Variants in ACAD9 observed in about 807,000 individuals in gnomAD.
ACAD9 encodes the protein acyl-CoA dehydrogenase family member 9, also known as complex I assembly factor ACAD9, mitochondrial.
Under a neutral mutation model 70.2 loss-of-function variants are expected in ACAD9, and 53 were observed. The observed-to-expected ratio is 0.75, with a 90% CI of 0.61 to 0.95. ACAD9 has a LOEUF of 0.95. Among genes scored for constraint, ACAD9 ranks in the 40% least tolerant of loss-of-function variants. The pLI is 0.00. For synonymous variants in ACAD9, 313 were observed against 312.1 expected (o/e 1.00, Z -0.03); for missense variants, 777 against 802.8 (o/e 0.97, Z 0.39).
At chr3:128,909,660 T>C (rs1290083979) in intron 15 of ACAD9, 1 of 609,002 alleles carries the variant, frequency 1.6e-6, no homozygotes, top group African/African-American at 1.9e-5. Flanking sequence ...ACCTTTCAGG[T>C]AGAGAGGCTC....
chr3:128,904,351 C>G (rs1935827294), intron 10 of ACAD9, 35 bp from the exon 11 acceptor site: 1 of 1,614,174 alleles, frequency 6.2e-7, no homozygotes, highest in South Asian at 1.1e-5. Flanking sequence ...TCAGCACATG[C>G]AAATTGTTTC....
rs745926616 is a variant in ACAD9, at chr3:128,908,243, G to A, written c.1337G>A (p.Arg446His). The A allele has an allele frequency of 4.0e-5, 64 of 1,614,120 alleles. No homozygotes were observed. The Middle Eastern group carries it at 8.2e-4, about 21-fold the overall frequency. ...CTGACGGGTCTGCAGCATGCCGGCC[G>A]CATCCTGACTACCAGGATCCAGTAG... ...IALTGLQHAG[R>H]ILTTRIHELK... The change falls in exon 13 of 18, where the codon CGC (arginine) becomes CAC (histidine). Residue 446 changes from arginine to histidine, a missense_variant. By Grantham distance (29) the Arg-to-His change is conservative (BLOSUM62 0). Coordinates refer to ENST00000308982, the MANE Select transcript of ACAD9 (RefSeq NM_014049.5).
At chr3:128,908,345 G>C in intron 13 of ACAD9, 81 bp downstream of exon 13, 1 of 1,533,328 alleles carries the variant, frequency 6.5e-7, no homozygotes, top group Non-Finnish European at 9.0e-7. Context: ...GGAGGAAAGA[G>C]CTGCCTTGAC....
chr3:128,909,742 A>T, intron 15 of ACAD9: 1 of 602,386 alleles, frequency 1.7e-6, no homozygotes, highest in African/African-American at 1.9e-5. Flanking sequence ...CTTGCTGCTG[A>T]AGGTGGCAGT....
At chr3:128,909,955 AGGGAGGGACCATGT>A (rs1297221872) in intron 15 of ACAD9, 52 bp from the exon 16 acceptor site, 12 of 1,596,674 alleles carry the variant, frequency 7.5e-6, no homozygotes, top group African/African-American at 2.7e-5. Context: ...GATGCAGCCC[AGGGAGGGACCATGT>A]GGGGGACTGG....
At chr3:128,888,835 A>G (rs1935329134) in intron 2 of ACAD9, among the ~76,000 whole-genome samples, 1 of 150,132 alleles carries the variant, frequency 6.7e-6, no homozygotes, top group Admixed American at 6.6e-5. Flanking sequence ...TCCTATTTGT[A>G]TCTTTTTTTA....
intron 14 of ACAD9, 107 bp from the exon 15 acceptor site, chr3:128,909,228 TGACACCCTG>T: frequency 6.3e-7 from 1 of 1,595,792 alleles, no homozygotes; most frequent in South Asian, 1.1e-5. Context: ...AGCTAGTCCA[TGACACCCTG>T]GATTGCTTCC....
At chr3:128,901,407 C>T in intron 8 of ACAD9, 58 bp downstream of exon 8, 2 of 1,588,820 alleles carry the variant, frequency 1.3e-6, no homozygotes, top group Admixed American at 1.7e-5. Context: ...AGTTTGTCGC[C>T]CCCAGCTTTT....
Position 128,909,238 on chromosome 3 carries a change from G to T in ACAD9, c.1486-106G>T, listed in dbSNP as rs1936026120. On this transcript the variant is annotated intron_variant, in intron 14 of 17. Coordinates refer to ENST00000308982, the MANE Select transcript of ACAD9 (RefSeq NM_014049.5). ...ACACCAGCTAGTCCATGACACCCTG[G>T]ATTGCTTCCCCCAGATGGGGCATCT... 15 of 1,598,480 alleles carry T rather than the reference G, an allele frequency of 9.4e-6. No homozygotes were observed. In the East Asian group the frequency reaches 3.4e-4, roughly 36 times the overall value.
In ACAD9 at chr3:128,906,135, G is replaced by A. The variant is rs372572429; in HGVS notation, c.1164G>A (p.Glu388=). The A allele has an allele frequency of 4.7e-5, 76 of 1,614,218 alleles. No individual in the cohort carries two copies. The South Asian group carries it at 7.5e-4, about 16-fold the overall frequency. ...ACACCCCACAGGTGTTCAGCTCCGAGGCCGCCTGGCAGTGTGTGAGTGAGG... is the reference window on the plus strand; with the variant it reads ...ACACCCCACAGGTGTTCAGCTCCGAAGCCGCCTGGCAGTGTGTGAGTGAGG... ...EAAMVKVFSS[E]AAWQCVSEAL... The change falls in exon 12 of 18, where the codon GAG becomes GAA. Residue 388 remains glutamate, a synonymous_variant. Coordinates refer to ENST00000308982, the MANE Select transcript of ACAD9 (RefSeq NM_014049.5).
At chr3:128,880,362 C>G (rs1198170754) in intron 1 of ACAD9, among the ~76,000 whole-genome samples, 4 of 152,156 alleles carry the variant, frequency 2.6e-5, no homozygotes, top group African/African-American at 9.7e-5. Context: ...CACTCATTGT[C>G]TTCTTAGAGT....
chr3:128,904,695 C>T (rs1935837341), intron 11 of ACAD9, among the ~76,000 whole-genome samples, 190 bp downstream of exon 11: 1 of 152,186 alleles, frequency 6.6e-6, no homozygotes, highest in African/African-American at 2.4e-5. Flanking sequence ...GGGAAGTGTC[C>T]AGTGGGCCAG....
chr3:128,895,008 C>G (rs1214049949), intron 3 of ACAD9, among the ~76,000 whole-genome samples: 4 of 151,308 alleles, frequency 2.6e-5, no homozygotes, highest in Non-Finnish European at 4.4e-5. Flanking sequence ...TCCTGAGTAG[C>G]TGGGACCACA....
At chr3:128,904,534 G>GC (rs1559828369) in intron 11 of ACAD9, 29 bp downstream of exon 11, 1 of 1,609,208 alleles carries the variant, frequency 6.2e-7, no homozygotes, top group Admixed American at 1.7e-5. Context: ...GAGAGCTGGC[G>GC]CTGGAGGGAG....
chr3:128,881,283 G>T (rs188250569), intron 1 of ACAD9, among the ~76,000 whole-genome samples: 1 of 152,348 alleles, frequency 6.6e-6, no homozygotes, highest in East Asian at 1.9e-4. Flanking sequence ...AGATCTTTCA[G>T]ATCTGTTTCC....
chr3:128,903,716 G>A (rs965748358), intron 9 of ACAD9, among the ~76,000 whole-genome samples: 4 of 152,294 alleles, frequency 2.6e-5, no homozygotes, highest in South Asian at 2.1e-4. Flanking sequence ...TGTGCGAGGC[G>A]CCCTCCCCCT....
intron 16 of ACAD9, 149 bp downstream of exon 16, chr3:128,910,298 C>T (rs1459256209): frequency 6.7e-7 from 1 of 1,502,984 alleles, no homozygotes; most frequent in Non-Finnish European, 8.9e-7. Flanking sequence ...GTCTGTGCTG[C>T]TCAGGAGATG....
At chr3:128,901,489 T>C in intron 8 of ACAD9, 140 bp downstream of exon 8, 1 of 940,594 alleles carries the variant, frequency 1.1e-6, no homozygotes, top group Admixed American at 1.9e-5. Context: ...GTTGGGAAAT[T>C]GGCAAAATGG....
intron 12 of ACAD9, 39 bp downstream of exon 12, chr3:128,906,288 C>T: frequency 1.2e-6 from 2 of 1,612,340 alleles, no homozygotes. Flanking sequence ...TGCTCCACCC[C>T]CACCCTGCCT....
Sources: gnomAD v4.1 joint callset for allele counts (sites outside exome capture counted in the v4.1 genomes callset) on GRCh38, gnomAD v4.1.1 for gene constraint, MANE v1.5 for transcripts, NCBI Gene and HGNC (gene_info 2026-07-23, HGNC 2026-07-21) for gene names.